ASAH2: variants seen among roughly 807,000 people sequenced by gnomAD.
ASAH2 encodes the protein N-acylsphingosine amidohydrolase 2.
In ASAH2, 58 loss-of-function variants were observed where a neutral mutation model predicts 82.9. The ratio of observed to expected loss-of-function variants is 0.70; its 90% CI spans 0.57 to 0.87. ASAH2 has a LOEUF of 0.87. Among genes scored for constraint, ASAH2 ranks in the 40% least tolerant of loss-of-function variants. The probability of loss-of-function intolerance (pLI) is 0.00; values close to 1 mark genes in which losing one functional copy is unlikely to be tolerated. For missense variants in ASAH2, 779 were observed against 834.0 expected (o/e 0.93, Z 0.81); for synonymous variants, 276 against 289.7 (o/e 0.95, Z 0.48).
chr10:50,235,903 G>T lies in ASAH2; in HGVS notation c.672C>A (p.Val224=). Residue 224 remains valine (V), a synonymous_variant, in exon 5 of 21, where the codon GTC becomes GTA. Coordinates refer to ENST00000682911, the MANE Select transcript of ASAH2 (RefSeq NM_019893.4). ...CTTTGCCTACCTTCAAGATACCAGT[G>T]ACCATGTGCTGAAAAGTTTGATTGC... ...GFSNQTFQHM[V]TGILKSIDIA... is the part of the protein sequence containing the mutation. 6.2e-7 allele frequency: 1 copy of T among 1,613,200 alleles called. No homozygotes were observed. Among genetic ancestry groups the T allele is most frequent in the South Asian group, 1.1e-5 (1 of 91,048 alleles).
intron 10 of ASAH2, among the ~76,000 whole-genome samples, chr10:50,211,590 G>A (rs1399305077): frequency 6.6e-6 from 1 of 152,144 alleles, no homozygotes; most frequent in African/African-American, 2.4e-5. Context: ...GCCCTGCTTT[G>A]TCTGCAGCAC....
At chr10:50,243,117 A>G in intron 4 of ASAH2, 85 bp downstream of exon 4, 1 of 1,487,858 alleles carries the variant, frequency 6.7e-7, no homozygotes, top group Non-Finnish European at 9.3e-7. Flanking sequence ...ATGAGAAACC[A>G]AGAGGAATTA....
rs1364694573 is a variant in ASAH2, at chr10:50,202,708, C to T, written c.1761+121G>A. ...GCTTATCATCCTCTTACCTGTTATA[C>T]CTGAAACATAATCATCTCTCAGAAA... is the stretch of plus-strand genomic sequence containing the variant. On this transcript the variant is annotated intron_variant, in intron 16 of 20. Coordinates refer to ENST00000682911, the MANE Select transcript of ASAH2 (RefSeq NM_019893.4). 10 of 769,144 alleles carry T rather than the reference C, an allele frequency of 1.3e-5. No homozygotes were observed. The African/African-American group carries it at 1.4e-4, about 11-fold the overall frequency. The allele number at this position is 769,144 out of a possible 1,614,324, so 47.6% of individuals were successfully genotyped here. A position where few individuals can be genotyped will look rare whatever the true frequency, so the allele number is the denominator to read the frequency against.
chr10:50,221,664 GATAGATAGA>G, intron 7 of ASAH2, among the ~76,000 whole-genome samples: 2 of 132,138 alleles, frequency 1.5e-5, no homozygotes, highest in Non-Finnish European at 3.1e-5. Flanking sequence ...TGTGTGTATA[GATAGATAGA>G]TGATAGATAG....
At chr10:50,217,191 T>A (rs1469975922) in intron 8 of ASAH2, among the ~76,000 whole-genome samples, 1 of 152,154 alleles carries the variant, frequency 6.6e-6, no homozygotes, top group African/African-American at 2.4e-5. Flanking sequence ...CTTTCACATG[T>A]GATCTCTTTG....
At chr10:50,222,014 A>C (rs1174273054) in intron 7 of ASAH2, among the ~76,000 whole-genome samples, 1 of 152,156 alleles carries the variant, frequency 6.6e-6, no homozygotes, top group Non-Finnish European at 1.5e-5. Context: ...AAAGGCATGG[A>C]GATATGAAGG....
Position 50,211,019 on chromosome 10 carries a change from G to C in ASAH2, c.1332+11C>G. The C allele has an allele frequency of 1.2e-6, 2 of 1,610,296 alleles. No homozygotes were observed. Among genetic ancestry groups the C allele is most frequent in the Non-Finnish European group, 1.7e-6 (2 of 1,176,574 alleles). On this transcript the variant is annotated intron_variant, in intron 11 of 20. Coordinates refer to ENST00000682911, the MANE Select transcript of ASAH2 (RefSeq NM_019893.4). ...CTTGGGGCATAACCAGTGTGTCTCA[G>C]CAGCACTTACTGCATGTGTGGAATT... is the stretch of plus-strand genomic sequence containing the variant.
chr10:50,196,041 G>C (rs1354361490), intron 18 of ASAH2, among the ~76,000 whole-genome samples: 1 of 151,768 alleles, frequency 6.6e-6, no homozygotes, highest in East Asian at 1.9e-4. Flanking sequence ...TGTTAAGAAA[G>C]TCTCAAATTT....
Position 50,236,011 on chromosome 10 carries a change from G to A in ASAH2, c.564C>T (p.Val188=). ...KYGSLYRRDN[V]ILSGTHTHSG... ...AATGAGTGTGAGTGCCACTCAGGATGACATTATCTCTTCTGTACAGGGAGC... is the reference window on the plus strand; with the variant it reads ...AATGAGTGTGAGTGCCACTCAGGATAACATTATCTCTTCTGTACAGGGAGC... Residue 188 remains valine (V), a synonymous_variant, in exon 5 of 21, where the codon GTC becomes GTT. Coordinates refer to ENST00000682911, the MANE Select transcript of ASAH2 (RefSeq NM_019893.4). 6.2e-7 allele frequency: 1 copy of A among 1,613,240 alleles called. No individual in the cohort carries two copies. Among genetic ancestry groups the A allele is most frequent in the Admixed American group, 1.7e-5 (1 of 59,934 alleles).
intron 8 of ASAH2, among the ~76,000 whole-genome samples, chr10:50,217,771 T>C (rs1407087051): frequency 6.6e-6 from 1 of 152,128 alleles, no homozygotes; most frequent in African/African-American, 2.4e-5. Flanking sequence ...GAAGCTAATA[T>C]CTTTATAAGG....
At chr10:50,214,409 C>T (rs972589757) in intron 9 of ASAH2, among the ~76,000 whole-genome samples, 6 of 152,278 alleles carry the variant, frequency 3.9e-5, no homozygotes, top group South Asian at 4.2e-4. Flanking sequence ...ATGTCTCAGG[C>T]AGGCAATTTT....
chr10:50,201,346 A>C (rs1845142527), intron 16 of ASAH2, among the ~76,000 whole-genome samples: 1 of 152,102 alleles, frequency 6.6e-6, no homozygotes, highest in African/African-American at 2.4e-5. Context: ...AAAGCTAAAA[A>C]AGTGCACTGT....
intron 1 of ASAH2, among the ~76,000 whole-genome samples, chr10:50,249,809 C>T (rs1209197282): frequency 1.3e-5 from 2 of 152,078 alleles, no homozygotes; most frequent in African/African-American, 2.4e-5. Context: ...ATTGGAATCA[C>T]AGGTGGGACC....
At chr10:50,240,814 T>C (rs1846274968) in intron 4 of ASAH2, among the ~76,000 whole-genome samples, 1 of 152,232 alleles carries the variant, frequency 6.6e-6, no homozygotes, top group Admixed American at 6.5e-5. Flanking sequence ...TTTCCTAATT[T>C]GCATTCCTGA....
At chr10:50,247,747 CACTG>C (rs748846302) in intron 2 of ASAH2, among the ~76,000 whole-genome samples, 2 of 152,138 alleles carry the variant, frequency 1.3e-5, no homozygotes, top group African/African-American at 2.4e-5. Flanking sequence ...TGTAACCTAA[CACTG>C]ACTGGAACAG....
chr10:50,215,590 G>A lies in ASAH2; in HGVS notation c.1015-722C>T, dbSNP rs1228312041. 2.6e-5 allele frequency among the ~76,000 whole-genome samples: 4 copies of A among 152,308 alleles called. No homozygotes were observed. In the East Asian group the frequency reaches 7.7e-4, roughly 29 times the overall value. Reference sequence around the variant, plus strand: ...CCTATTGCTTGTTTTTCTCAGGTTTGTCGAAGATCAGATGGTTGTAGATCT... The same window carrying A: ...CCTATTGCTTGTTTTTCTCAGGTTTATCGAAGATCAGATGGTTGTAGATCT... On this transcript the variant is annotated intron_variant, in intron 8 of 20. Coordinates refer to ENST00000682911, the MANE Select transcript of ASAH2 (RefSeq NM_019893.4).
chr10:50,208,773 A>G (rs1483566941), intron 12 of ASAH2, among the ~76,000 whole-genome samples: 1 of 152,148 alleles, frequency 6.6e-6, no homozygotes, highest in Non-Finnish European at 1.5e-5. Context: ...TTCCCATCGG[A>G]ATCCCAGCTG....
intron 7 of ASAH2, among the ~76,000 whole-genome samples, chr10:50,231,694 TAGA>T (rs1365322650): frequency 3.3e-5 from 5 of 152,156 alleles, no homozygotes; most frequent in Non-Finnish European, 5.9e-5. Context: ...TTGATTGTAG[TAGA>T]AGAATAAGTC....
intron 7 of ASAH2, among the ~76,000 whole-genome samples, chr10:50,226,690 C>A (rs1465701545): frequency 6.6e-6 from 1 of 151,844 alleles, no homozygotes; most frequent in Non-Finnish European, 1.5e-5. Context: ...TTGCTGTAAA[C>A]CTGAAACTGC....
Sources: allele counts gnomAD v4.1 joint callset (sites outside exome capture counted in the v4.1 genomes callset), GRCh38; gene constraint gnomAD v4.1.1; transcripts MANE v1.5; gene names NCBI Gene and HGNC (gene_info 2026-07-23, HGNC 2026-07-21).